The following PDE11A variants were observed in gnomAD, a reference collection of about 807,000 sequenced individuals.
The protein encoded by PDE11A is phosphodiesterase 11A.
In PDE11A, 100 loss-of-function variants were observed where a neutral mutation model predicts 100.5. The observed-to-expected ratio is 1.00, with a 90% CI of 0.85 to 1.18. The LOEUF (loss-of-function observed/expected upper bound fraction) is 1.18. Among genes scored for constraint, PDE11A ranks in the 50% most tolerant of loss-of-function variants. The pLI is 0.00. For synonymous variants in PDE11A, 381 were observed against 420.8 expected (o/e 0.91, Z 1.16); for missense variants, 1,141 against 1,152.6 (o/e 0.99, Z 0.15).
chr2:178,031,679 T>C (rs918784424), intron 1 of PDE11A, among the ~76,000 whole-genome samples: 2 of 151,730 alleles, frequency 1.3e-5, no homozygotes, highest in African/African-American at 4.8e-5. Context: ...TGGAAAAAAA[T>C]ATATATCATA....
intron 5 of PDE11A, among the ~76,000 whole-genome samples, chr2:177,866,254 C>CCGT (rs2084028122): frequency 1.3e-5 from 2 of 152,170 alleles, no homozygotes; most frequent in South Asian, 2.1e-4. Flanking sequence ...CCAAGCCTCC[C>CCGT]CTGGAGCTGT....
chr2:177,848,997 C>T (rs140814977), intron 5 of PDE11A, among the ~76,000 whole-genome samples: 1 of 152,354 alleles, frequency 6.6e-6, no homozygotes, highest in Non-Finnish European at 1.5e-5. Flanking sequence ...GTTCATGTTT[C>T]TCTTCTCAAC....
intron 2 of PDE11A, among the ~76,000 whole-genome samples, chr2:177,939,046 A>G (rs927699873): frequency 1.3e-5 from 2 of 152,208 alleles, no homozygotes; most frequent in Non-Finnish European, 2.9e-5. Flanking sequence ...TAGAACCGTG[A>G]GGAAATACAT....
chr2:177,965,790 T>C (rs760630926), intron 2 of PDE11A, among the ~76,000 whole-genome samples: 2 of 152,168 alleles, frequency 1.3e-5, no homozygotes, highest in East Asian at 3.9e-4. Context: ...AGTCAGGTAG[T>C]GTGAGGCCTC....
At chr2:177,923,717 G>A (rs965285178) in intron 2 of PDE11A, among the ~76,000 whole-genome samples, 1 of 152,178 alleles carries the variant, frequency 6.6e-6, no homozygotes, top group African/African-American at 2.4e-5. Flanking sequence ...GATAATAAAT[G>A]TACACAAATA....
intron 12 of PDE11A, among the ~76,000 whole-genome samples, chr2:177,720,839 A>G: frequency 6.6e-6 from 1 of 152,170 alleles, no homozygotes; most frequent in East Asian, 1.9e-4. Flanking sequence ...CTTACAGTCT[A>G]TATATAAATG....
chr2:178,088,728 T>C (rs2087387436), intron 2 of PDE11A, among the ~76,000 whole-genome samples: 1 of 152,252 alleles, frequency 6.6e-6, no homozygotes, highest in African/African-American at 2.4e-5. Flanking sequence ...GTGGGTATGC[T>C]ATCACCATAA....
chr2:177,678,319 G>T (rs1330081321), intron 16 of PDE11A, among the ~76,000 whole-genome samples: 1 of 152,188 alleles, frequency 6.6e-6, no homozygotes, highest in Non-Finnish European at 1.5e-5. Context: ...GTGTATAGCT[G>T]CATCTACCTA....
chr2:177,763,704 A>T (rs2082200728), intron 10 of PDE11A, among the ~76,000 whole-genome samples: 1 of 152,040 alleles, frequency 6.6e-6, no homozygotes. Flanking sequence ...GAGTTTGGGT[A>T]AATGCCATGG....
At chr2:177,814,577 CA>C (rs1206557583) in intron 9 of PDE11A, among the ~76,000 whole-genome samples, 1 of 152,054 alleles carries the variant, frequency 6.6e-6, no homozygotes, top group Non-Finnish European at 1.5e-5. Context: ...CACACTGGCA[CA>C]AAATAAAGCA....
At chr2:177,691,036 C>A (rs2081033624) in intron 15 of PDE11A, among the ~76,000 whole-genome samples, 1 of 152,088 alleles carries the variant, frequency 6.6e-6, no homozygotes, top group Non-Finnish European at 1.5e-5. Flanking sequence ...TTTGTGGGTT[C>A]CAAGAGTGAG....
intron 4 of PDE11A, among the ~76,000 whole-genome samples, chr2:177,894,202 G>C (rs555204839): frequency 2.8e-4 from 43 of 152,224 alleles, no homozygotes; most frequent in Non-Finnish European, 5.3e-4. Flanking sequence ...CAAGCCTAAA[G>C]GTTTGAGAAG....
rs1574076047 is a variant in PDE11A, at chr2:177,719,122, G to A, written c.2044-7244C>T. 2.0e-5 allele frequency among the ~76,000 whole-genome samples: 3 copies of A among 152,242 alleles called. No individual in the cohort carries two copies. The Middle Eastern group carries it at 0.01, about 518-fold the overall frequency. On this transcript the variant is annotated intron_variant, in intron 12 of 19. Coordinates refer to ENST00000286063, the MANE Select transcript of PDE11A (RefSeq NM_016953.4). ...TCCTCCTGCTTGGTTTCTGGAGGAG[G>A]TGCACCATGGACTGCACACCCTTGC...
At chr2:177,798,352 T>C (rs906349443) in intron 9 of PDE11A, among the ~76,000 whole-genome samples, 4 of 152,222 alleles carry the variant, frequency 2.6e-5, no homozygotes, top group Admixed American at 2.0e-4. Flanking sequence ...TGAAATCACA[T>C]GAGATTGTAC....
At position 177,627,878 on chromosome 2, in the gene PDE11A, A is replaced by G. The variant is rs2079860327; in HGVS notation, c.*1529T>C. 6.6e-6 allele frequency: 1 copy of G among 152,208 alleles called. No homozygotes were observed. Among genetic ancestry groups the G allele is most frequent in the Non-Finnish European group, 1.5e-5 (1 of 68,052 alleles). 9.4% of individuals were successfully genotyped at this position (152,208 alleles called of 1,614,324 possible). Reference sequence around the variant, plus strand: ...ACAAACAAACAAAGAAACAAAAACAATAACAAGAAAAATGGTTTGTAAATT... The same window carrying G: ...ACAAACAAACAAAGAAACAAAAACAGTAACAAGAAAAATGGTTTGTAAATT... On this transcript the variant is annotated 3_prime_UTR_variant, in exon 20 of 20. Transcript: ENST00000286063.
At chr2:178,015,050 G>A (rs149470346) in intron 1 of PDE11A, among the ~76,000 whole-genome samples, 87 of 152,064 alleles carry the variant, frequency 5.7e-4, no homozygotes, top group African/African-American at 1.9e-3. Context: ...TACAAGCAAG[G>A]GTCATTAAGT....
In PDE11A at chr2:177,831,769, C is replaced by G. The variant is rs573692350; in HGVS notation, c.1500+8482G>C. 2.0e-5 allele frequency among the ~76,000 whole-genome samples: 3 copies of G among 152,346 alleles called. No individual in the cohort carries two copies. The South Asian group carries it at 6.2e-4, about 32-fold the overall frequency. Reference sequence around the variant, plus strand: ...CATTTGGGCTTAATATGAACAAAAACTAAGCCTCTATTATATTAAACCACA... The same window carrying G: ...CATTTGGGCTTAATATGAACAAAAAGTAAGCCTCTATTATATTAAACCACA... On this transcript the variant is annotated intron_variant, in intron 6 of 19. Transcript: ENST00000286063.
Position 177,624,251 on chromosome 2 carries a change from GT to G in PDE11A, c.*5155del, listed in dbSNP as rs2079801128. On this transcript the variant is annotated 3_prime_UTR_variant, in exon 20 of 20. Coordinates refer to ENST00000286063, the MANE Select transcript of PDE11A (RefSeq NM_016953.4). ...TGTTGCTTTAATGAATCCTTTTTGT[GT>G]TTTGGTGGTTTTTTTTTTTTTCAGC... 1 of 86,450 alleles carries G rather than the reference GT, an allele frequency of 1.2e-5. No homozygotes were observed. The highest frequency in any genetic ancestry group is 3.5e-5 in the African/African-American group (1 of 28,644). The allele number at this position is 86,450 out of a possible 1,614,324, so 5.4% of individuals were successfully genotyped here. A position where few individuals can be genotyped will look rare whatever the true frequency, so the allele number is the denominator to read the frequency against.
rs1160844944 is a variant in PDE11A, at chr2:178,003,684, T to C, written c.1071+10618A>G. Among the ~76,000 whole-genome samples the C allele has an allele frequency of 2.0e-5, 3 of 152,250 alleles. No individual in the cohort carries two copies. In the South Asian group the frequency reaches 6.2e-4, roughly 32 times the overall value. ...GGTTTACACAACTCTGCAAATATAC[T>C]AAAAACCACTGAATTAAATGGAGCA... On this transcript the variant is annotated intron_variant, in intron 2 of 19. Transcript: ENST00000286063.
Sources: gnomAD v4.1 joint callset for allele counts (sites outside exome capture counted in the v4.1 genomes callset) on GRCh38, gnomAD v4.1.1 for gene constraint, MANE v1.5 for transcripts, NCBI Gene and HGNC (gene_info 2026-07-23, HGNC 2026-07-21) for gene names.